Variants in BICDL1 observed in about 807,000 individuals in gnomAD.
BICDL1 encodes BICD family like cargo adaptor 1.
A neutral mutation model predicts 76.8 loss-of-function variants in BICDL1; 20 were observed. The observed-to-expected ratio is 0.26, with a 90% CI of 0.18 to 0.38. The LOEUF is 0.38. BICDL1 is among the 10% of genes least tolerant of loss of function. The pLI is 1.00. For synonymous variants in BICDL1, 383 were observed against 337.1 expected (o/e 1.14, Z -1.49); for missense variants, 700 against 798.6 (o/e 0.88, Z 1.49).
rs1033145004 is a variant in BICDL1 at position 120,077,435 on chromosome 12, AG to A, written c.1452+2855del. On this transcript the variant is annotated intron_variant, in intron 7 of 9. Coordinates refer to ENST00000548673, the MANE Select transcript of BICDL1 (RefSeq NM_001367886.1). ...GTGTGTGGAGCAGCTGCTAGGATGC[AG>A]GGGGGTCTTCTGCGATTAGTCTGTA... 9.9e-5 allele frequency among the ~76,000 whole-genome samples: 15 copies of A among 152,130 alleles called. No individual in the cohort carries two copies. In the South Asian group the frequency reaches 3.1e-3, roughly 32 times the overall value.
intron 2 of BICDL1, among the ~76,000 whole-genome samples, chr12:120,035,227 T>C (rs1952508457): frequency 6.6e-6 from 1 of 152,020 alleles, no homozygotes; most frequent in Non-Finnish European, 1.5e-5. Flanking sequence ...TTCCAGCTAC[T>C]CGGGAGGCTG....
At position 120,071,784 on chromosome 12, in the gene BICDL1, G is replaced by C; in HGVS notation, c.1072G>C (p.Glu358Gln). ...GCAGAGCATGGAGGCTGAGGAGCTG[G>C]AGCAGGAGCGAGAGCAGGTGCTGAC... is the stretch of plus-strand genomic sequence containing the variant. ...IEQSMEAEEL[E>Q]QEREQLRLQL... Residue 358 changes from glutamate (E) to glutamine (Q), a missense_variant, in exon 5 of 10, where the codon GAG becomes CAG. By Grantham distance (29) the Glu-to-Gln change is conservative. Transcript: ENST00000548673. This position sits in a 1 kb window ranked among gnomAD's most constrained non-coding sequence, Gnocchi z 4.8. 1 of 1,608,360 alleles carries C rather than the reference G, an allele frequency of 6.2e-7. No individual in the cohort carries two copies. Among genetic ancestry groups the C allele is most frequent in the Non-Finnish European group, 8.5e-7 (1 of 1,178,362 alleles).
chr12:120,058,504 A>G (rs1038578027), intron 2 of BICDL1, among the ~76,000 whole-genome samples: 1 of 152,140 alleles, frequency 6.6e-6, no homozygotes, highest in East Asian at 1.9e-4. Flanking sequence ...TGAAATCTCA[A>G]CAGTCAACTG....
Position 120,074,510 on chromosome 12 carries a change from C to T in BICDL1, c.1376C>T (p.Ala459Val). 2 of 1,281,842 alleles carry T rather than the reference C, an allele frequency of 1.6e-6. No individual in the cohort carries two copies. The highest frequency in any genetic ancestry group is 2.0e-6 in the Non-Finnish European group (2 of 984,980). The allele number at this position is 1,281,842 out of a possible 1,614,324, so 79.4% of individuals were successfully genotyped here. Residue 459 changes from alanine to valine, a missense_variant, in exon 7 of 10, where the codon GCC becomes GTC. Ala to Val is a moderately conservative substitution (Grantham distance 64, BLOSUM62 0). Coordinates refer to ENST00000548673, the MANE Select transcript of BICDL1 (RefSeq NM_001367886.1). ...AGGCAGACCAGTGAGGACTCGAGAG[C>T]CCTAAGGGAGCTCATGGAGGGAGAG... ...QIRQTSEDSRALRELMEGERG... is the reference protein window; with the variant it reads ...QIRQTSEDSRVLRELMEGERG...
chr12:119,994,001 T>C (rs1951583331), intron 1 of BICDL1, among the ~76,000 whole-genome samples: 1 of 152,250 alleles, frequency 6.6e-6, no homozygotes, highest in Admixed American at 6.5e-5. Context: ...TATCCGGTCA[T>C]GTCCTTAGCT....
chr12:120,093,942 C>G lies in BICDL1; in HGVS notation c.*781C>G. The G allele has an allele frequency of 3.1e-6, 1 of 321,030 alleles. No individual in the cohort carries two copies. Among genetic ancestry groups the G allele is most frequent in the Non-Finnish European group, 6.2e-6 (1 of 160,568 alleles). 19.9% of individuals were successfully genotyped at this position (321,030 alleles called of 1,614,324 possible). ...TCCCCTGCTCAGGGCTGGGGTTGGACGGGGTCTCCTCCTCCCACAGCTCCC... is the reference window on the plus strand; with the variant it reads ...TCCCCTGCTCAGGGCTGGGGTTGGAGGGGGTCTCCTCCTCCCACAGCTCCC... On this transcript the variant is annotated 3_prime_UTR_variant, in exon 10 of 10. Coordinates refer to ENST00000548673, the MANE Select transcript of BICDL1 (RefSeq NM_001367886.1).
chr12:120,028,162 G>T (rs1003948811), intron 2 of BICDL1, among the ~76,000 whole-genome samples: 1 of 152,172 alleles, frequency 6.6e-6, no homozygotes, highest in Non-Finnish European at 1.5e-5. Flanking sequence ...CAAGGATCTA[G>T]AATTGGAATG....
intron 2 of BICDL1, among the ~76,000 whole-genome samples, chr12:120,022,412 T>TTA (rs1017674999): frequency 4.8e-5 from 7 of 147,084 alleles, no homozygotes; most frequent in South Asian, 2.1e-4. Context: ...AAATATATAT[T>TTA]TATATATATA....
Position 119,989,587 on chromosome 12 carries a change from A to G in BICDL1, c.-282A>G, listed in dbSNP as rs1337849653. ...TCTGTTCCTGAGTCCTCCCTTCCCC[A>G]GCCTTCCCGTTCCCACCACCTACTC... On this transcript the variant is annotated 5_prime_UTR_variant, in exon 1 of 10. Coordinates refer to ENST00000548673, the MANE Select transcript of BICDL1 (RefSeq NM_001367886.1). Among the ~76,000 whole-genome samples, 5 of 149,330 alleles carry G rather than the reference A, an allele frequency of 3.3e-5. No homozygotes were observed. The highest frequency in any genetic ancestry group is 1.2e-4 in the African/African-American group (5 of 40,926).
intron 2 of BICDL1, among the ~76,000 whole-genome samples, chr12:120,012,272 G>T (rs1951970383): frequency 6.6e-6 from 1 of 152,180 alleles, no homozygotes; most frequent in Admixed American, 6.5e-5. Flanking sequence ...ACGGTGTGGG[G>T]AATGAGGAGG....
At position 120,050,978 on chromosome 12, in the gene BICDL1, G is replaced by A. The variant is rs193069127; in HGVS notation, c.646-10732G>A. 2.8e-4 allele frequency among the ~76,000 whole-genome samples: 43 copies of A among 152,036 alleles called. No individual in the cohort carries two copies. The East Asian group carries it at 5.6e-3, about 20-fold the overall frequency. On this transcript the variant is annotated intron_variant, in intron 2 of 9. Coordinates refer to ENST00000548673, the MANE Select transcript of BICDL1 (RefSeq NM_001367886.1). Reference sequence around the variant, plus strand: ...TTATTTTGTATTTCTAGATATCTTGGATCTTTTCCAAATCTGAGAAGGTTG... The same window carrying A: ...TTATTTTGTATTTCTAGATATCTTGAATCTTTTCCAAATCTGAGAAGGTTG...
intron 2 of BICDL1, among the ~76,000 whole-genome samples, chr12:120,039,813 A>G (rs2138801536): frequency 6.6e-6 from 1 of 152,216 alleles, no homozygotes; most frequent in East Asian, 1.9e-4. Context: ...GAGTGTCACC[A>G]GTTTTTTAGC....
Position 120,071,925 on chromosome 12 carries a change from G to A in BICDL1, c.1089+124G>A, listed in dbSNP as rs1594198852. On this transcript the variant is annotated intron_variant, in intron 5 of 9. Coordinates refer to ENST00000548673, the MANE Select transcript of BICDL1 (RefSeq NM_001367886.1). This position sits in a 1 kb window ranked among gnomAD's most constrained non-coding sequence, Gnocchi z 4.8. ...CCCCTGTGCCTGTGTCAGCCCCTTG[G>A]CCTGCTGGCTAGAGTGTCATGAAGC... 1 of 1,399,938 alleles carries A rather than the reference G, an allele frequency of 7.1e-7. No individual in the cohort carries two copies. The highest frequency in any genetic ancestry group is 9.3e-7 in the Non-Finnish European group (1 of 1,077,436). The allele number at this position is 1,399,938 out of a possible 1,614,324, so 86.7% of individuals were successfully genotyped here. A position where few individuals can be genotyped will look rare whatever the true frequency, so the allele number is the denominator to read the frequency against.
chr12:120,092,746 G>A (rs972444448), intron 9 of BICDL1: 13 of 985,326 alleles, frequency 1.3e-5, no homozygotes, highest in Non-Finnish European at 1.4e-5. Context: ...GGACTGTGGC[G>A]GCCCAGCAGG....
At chr12:120,077,792 C>T (rs1873670329) in intron 7 of BICDL1, among the ~76,000 whole-genome samples, 1 of 148,116 alleles carries the variant, frequency 6.8e-6, no homozygotes, top group Admixed American at 6.7e-5. Context: ...TCTGCCTTCC[C>T]CCAGCCCGCC....
At chr12:120,030,614 A>G (rs1302984096) in intron 2 of BICDL1, among the ~76,000 whole-genome samples, 1 of 152,210 alleles carries the variant, frequency 6.6e-6, no homozygotes, top group Non-Finnish European at 1.5e-5. Context: ...GTCACATAAC[A>G]TTATTGATAG....
At position 120,050,367 on chromosome 12, in the gene BICDL1, C is replaced by T. The variant is rs75250968; in HGVS notation, c.646-11343C>T. ...CTGCAAGCTACACCTCCTGGGTTCA[C>T]GCCATTCTCCTGCCTCAGCCTCCCA... On this transcript the variant is annotated intron_variant, in intron 2 of 9. Coordinates refer to ENST00000548673, the MANE Select transcript of BICDL1 (RefSeq NM_001367886.1). 9.8e-3 allele frequency among the ~76,000 whole-genome samples: 1,469 copies of T among 150,184 alleles called. 23 individuals are homozygous for T. The highest frequency in any genetic ancestry group is 0.044 in the East Asian group (221 of 5,002).
At chr12:120,007,880 G>A (rs1477501471) in intron 2 of BICDL1, among the ~76,000 whole-genome samples, 1 of 152,186 alleles carries the variant, frequency 6.6e-6, no homozygotes, top group Non-Finnish European at 1.5e-5. Context: ...TTTACAGTGA[G>A]CAACAGCTGG....
At chr12:120,042,852 G>A (rs1289437300) in intron 2 of BICDL1, among the ~76,000 whole-genome samples, 1 of 151,880 alleles carries the variant, frequency 6.6e-6, no homozygotes, top group Non-Finnish European at 1.5e-5. Context: ...AGAGGTCAGG[G>A]CTGAGAGCTG....
Sources: allele counts gnomAD v4.1 joint callset (sites outside exome capture counted in the v4.1 genomes callset), GRCh38; gene constraint gnomAD v4.1.1; non-coding constraint Gnocchi (gnomAD v3.1); transcripts MANE v1.5; gene names NCBI Gene and HGNC (gene_info 2026-07-23, HGNC 2026-07-21).